The following ZNF410 variants were observed in gnomAD, a reference collection of about 807,000 sequenced individuals.
ZNF410 encodes zinc finger protein 410.
A neutral mutation model predicts 54.8 loss-of-function variants in ZNF410; 18 were observed. The ratio of observed to expected loss-of-function variants is 0.33; its 90% CI spans 0.23 to 0.49. ZNF410 has a LOEUF of 0.49. ZNF410 is among the 20% of genes least tolerant of loss of function. The pLI is 0.99. For synonymous variants in ZNF410, 191 were observed against 207.3 expected, an observed-to-expected ratio of 0.92 and a Z score of 0.68; for missense variants, 405 against 569.6, an observed-to-expected ratio of 0.71 and a Z score of 2.94.
At chr14:73,918,691 T>A (rs2055707187) in intron 8 of ZNF410, among the ~76,000 whole-genome samples, 1 of 70,774 alleles carries the variant, frequency 1.4e-5, no homozygotes, top group Non-Finnish European at 4.0e-5. Flanking sequence ...ATGGCCTTTT[T>A]TTTTTTTTTT....
At chr14:73,896,263 T>C (rs1156933223) in intron 3 of ZNF410, 53 bp from the exon 4 acceptor site, 77 of 1,373,424 alleles carry the variant, frequency 5.6e-5, no homozygotes, top group Non-Finnish European at 7.5e-5. Flanking sequence ...ATCAAAATGG[T>C]GGGCTCCTAG....
At chr14:73,910,887 TGAAG>T (rs2055567310) in intron 8 of ZNF410, among the ~76,000 whole-genome samples, 2 of 129,452 alleles carry the variant, frequency 1.5e-5, no homozygotes, top group African/African-American at 3.2e-5. Context: ...AAAGTGGTAG[TGAAG>T]ATAAGGAGGG....
At chr14:73,926,107 T>C (rs888765234) in intron 11 of ZNF410, among the ~76,000 whole-genome samples, 1 of 152,352 alleles carries the variant, frequency 6.6e-6, no homozygotes, top group Middle Eastern at 3.4e-3. Flanking sequence ...TGTTGCTGTT[T>C]ATGATGGAGT....
At chr14:73,930,620 AAC>A (rs1566669797) in intron 11 of ZNF410, among the ~76,000 whole-genome samples, 2 of 152,010 alleles carry the variant, frequency 1.3e-5, no homozygotes, top group Non-Finnish European at 2.9e-5. Context: ...TGTGTCTGAA[AAC>A]AGTCTCAGTC....
Position 73,896,107 on chromosome 14 carries a change from TTC to T in ZNF410, c.170-207_170-206del, listed in dbSNP as rs2055313509. ...ACCATTACTGCCAAGTGACAGAGAA[TTC>T]TGTTCCTCACGTTTTGGCTGACTGC... On this transcript the variant is annotated intron_variant, in intron 3 of 11. Transcript: ENST00000555044. The T allele has an allele frequency of 4.5e-5, 25 of 555,860 alleles. No individual in the cohort carries two copies. In the South Asian group the frequency reaches 5.3e-4, roughly 12 times the overall value. 34.4% of individuals were successfully genotyped at this position (555,860 alleles called of 1,614,324 possible).
intron 8 of ZNF410, 196 bp downstream of exon 8, chr14:73,909,626 T>G (rs896840233): frequency 4.1e-6 from 2 of 487,694 alleles, no homozygotes; most frequent in Admixed American, 3.7e-5. Flanking sequence ...GACATCTAAT[T>G]ATTATTTTCA....
Position 73,922,060 on chromosome 14 carries a change from G to A in ZNF410, c.1130-6G>A, listed in dbSNP as rs1207477286. On this transcript the variant is annotated splice_polypyrimidine_tract_variant and splice_region_variant and intron_variant, in intron 9 of 11. Transcript: ENST00000555044. ...GTATGTCTCTCACAACCTATTCTCT[G>A]TGCAGCTGAGCCACTAATGGGCAGT... 5.0e-6 allele frequency: 8 copies of A among 1,613,790 alleles called. No homozygotes were observed. The highest frequency in any genetic ancestry group is 6.8e-6 in the Non-Finnish European group (8 of 1,179,872).
chr14:73,930,188 A>T (rs887967867), intron 11 of ZNF410, among the ~76,000 whole-genome samples: 4 of 152,246 alleles, frequency 2.6e-5, no homozygotes, highest in African/African-American at 7.2e-5. Context: ...AAAGATCTGG[A>T]TCTTGGCCTC....
At chr14:73,908,279 C>T (rs1486412771) in intron 7 of ZNF410, among the ~76,000 whole-genome samples, 3 of 152,146 alleles carry the variant, frequency 2.0e-5, no homozygotes, top group African/African-American at 7.2e-5. Flanking sequence ...GATTTCATGC[C>T]ATTACATTCT....
At chr14:73,893,775 G>T in intron 2 of ZNF410, 22 bp from the exon 3 acceptor site, 1 of 1,591,072 alleles carries the variant, frequency 6.3e-7, no homozygotes, top group Non-Finnish European at 8.5e-7. Context: ...GTATTTCTCA[G>T]TGTTGTCTTT....
intron 3 of ZNF410, among the ~76,000 whole-genome samples, chr14:73,894,133 G>A (rs762517971): frequency 1.2e-4 from 18 of 152,186 alleles, no homozygotes; most frequent in Non-Finnish European, 2.4e-4. Flanking sequence ...CACCCAGAGA[G>A]TGTGAGAGTG....
chr14:73,901,310 C>A (rs190527835), intron 5 of ZNF410, among the ~76,000 whole-genome samples: 1 of 152,164 alleles, frequency 6.6e-6, no homozygotes, highest in Non-Finnish European at 1.5e-5. Flanking sequence ...GTGGTTCACA[C>A]CTATAATCCC....
intron 8 of ZNF410, among the ~76,000 whole-genome samples, chr14:73,919,886 G>GTTTTTTT (rs1158550117): frequency 0.011 from 678 of 62,086 alleles, 6 homozygotes; most frequent in Non-Finnish European, 0.014. Context: ...TATTGTATAG[G>GTTTTTTT]TTTTTTTTTT....
At chr14:73,918,997 CTTTTTTT>C (rs906481832) in intron 8 of ZNF410, among the ~76,000 whole-genome samples, 7 of 60,618 alleles carry the variant, frequency 1.2e-4, no homozygotes, top group South Asian at 8.7e-4. Context: ...CGTGCCCGGC[CTTTTTTT>C]TTTTTTTTTT....
At chr14:73,903,686 G>T in intron 5 of ZNF410, 1 of 396,460 alleles carries the variant, frequency 2.5e-6, no homozygotes, top group East Asian at 4.6e-5. Context: ...GTTTTGTAAA[G>T]ATATGGTTTC....
At chr14:73,919,656 T>C (rs1396510041) in intron 8 of ZNF410, among the ~76,000 whole-genome samples, 1 of 152,240 alleles carries the variant, frequency 6.6e-6, no homozygotes, top group Non-Finnish European at 1.5e-5. Context: ...TCATGGTGTG[T>C]ATGTGCCACA....
chr14:73,903,628 G>C (rs2055439712), intron 5 of ZNF410: 1 of 258,592 alleles, frequency 3.9e-6, no homozygotes, highest in Admixed American at 4.9e-5. Context: ...CTCAACTACA[G>C]GACTGCGCCA....
chr14:73,918,375 C>T (rs774100248), intron 8 of ZNF410, among the ~76,000 whole-genome samples: 2 of 152,192 alleles, frequency 1.3e-5, no homozygotes, highest in South Asian at 2.1e-4. Flanking sequence ...ACTAGGATTA[C>T]AGGCATGAGC....
chr14:73,922,295 C>A, intron 10 of ZNF410, 89 bp downstream of exon 10: 1 of 1,363,560 alleles, frequency 7.3e-7, no homozygotes, highest in South Asian at 1.5e-5. Context: ...ATGTTTAAAT[C>A]TCATTTCTTA....
Sources: gnomAD v4.1 joint callset for allele counts (sites outside exome capture counted in the v4.1 genomes callset) on GRCh38, gnomAD v4.1.1 for gene constraint, MANE v1.5 for transcripts, NCBI Gene and HGNC (gene_info 2026-07-23, HGNC 2026-07-21) for gene names.